MIB2: variants seen among roughly 807,000 people sequenced by gnomAD.
MIB2 encodes MIB E3 ubiquitin protein ligase 2, also known as E3 ubiquitin-protein ligase MIB2.
MIB2 carries 78 observed loss-of-function variants against 96.6 expected under a neutral mutation model. The observed-to-expected ratio is 0.81, with a 90% CI of 0.67 to 0.97. The LOEUF (loss-of-function observed/expected upper bound fraction) is 0.97. Among genes scored for constraint, MIB2 ranks in the 50% least tolerant of loss-of-function variants. The pLI is 0.00. For missense variants in MIB2, 1,543 were observed against 1,424.0 expected (o/e 1.08, Z -1.35); for synonymous variants, 820 against 629.5 (o/e 1.30, Z -4.53).
rs375548963 is a variant in MIB2, at chr1:1,625,341, C to T, written c.777C>T (p.His259=). Reference sequence around the variant, plus strand: ...GTGCTGACAGCCAGCCCTTCCAGCACGGGGACAAGGTCAAGTGTCTGCTGG... The same window carrying T: ...GTGCTGACAGCCAGCCCTTCCAGCATGGGGACAAGGTCAAGTGTCTGCTGG... ...RVSADSQPFQ[H]GDKVKCLLDT... Residue 259 remains histidine (H), a synonymous_variant, in exon 7 of 20, where the codon CAC becomes CAT. Coordinates refer to ENST00000355826, the MANE Select transcript of MIB2 (RefSeq NM_001170687.4). This position sits in a 1 kb window ranked among gnomAD's most constrained non-coding sequence, Gnocchi z 5.0. 1.2e-3 allele frequency: 1,852 copies of T among 1,579,014 alleles called. 6 individuals carry two copies. The Middle Eastern group carries it at 0.015, about 13-fold the overall frequency.
rs768838379 is a variant in MIB2, at chr1:1,625,614, C to T, written c.933C>T (p.His311=). 1.5e-5 allele frequency: 23 copies of T among 1,574,988 alleles called. No homozygotes were observed. The highest frequency in any genetic ancestry group is 1.3e-5 in the African/African-American group (1 of 74,170). Residue 311 remains histidine, a synonymous_variant, in exon 8 of 20, where the codon CAC becomes CAT. Transcript: ENST00000355826. The surrounding 1 kb of genome is among the most constrained non-coding windows in gnomAD (Gnocchi z 5.0). ...DRGDVRVQFN[H]ETRWTFHPGA... is the part of the protein sequence containing the mutation. ...GGGACGTGCGCGTGCAGTTCAACCA[C>T]GAGACGCGCTGGACCTTCCACCCCG...
Position 1,629,190 on chromosome 1 carries a change from T to C in MIB2, c.2260T>C (p.Cys754Arg). The change falls in exon 17 of 20, where the codon TGC becomes CGC. Residue 754 changes from cysteine to arginine, a missense_variant. Coordinates refer to ENST00000355826, the MANE Select transcript of MIB2 (RefSeq NM_001170687.4). The part of the protein sequence containing the change: ...AELTVGAAVA[C>R]FLALEGADVS... ...GCTGACGGTGGGCGCGGCGGTCGCC[T>C]GCTTCCTGGCGCTGGAGGGCGCCGA... The C allele has an allele frequency of 6.6e-7, 1 of 1,514,420 alleles. No individual in the cohort carries two copies. Among genetic ancestry groups the C allele is most frequent in the Non-Finnish European group, 8.8e-7 (1 of 1,139,700 alleles). The allele number at this position is 1,514,420 out of a possible 1,614,324, so 93.8% of individuals were successfully genotyped here.
At chr1:1,615,823 G>T (rs1249507199) in intron 1 of MIB2, 190 bp downstream of exon 1, 2 of 1,296,246 alleles carry the variant, frequency 1.5e-6, no homozygotes, top group Non-Finnish European at 2.0e-6. Context: ...GGCCTCCTGG[G>T]AGTTGTGGTC....
chr1:1,617,529 G>C (rs1050217090), intron 2 of MIB2: 3 of 152,188 alleles, frequency 2.0e-5, no homozygotes, highest in African/African-American at 7.2e-5. Flanking sequence ...AATGCTAAAT[G>C]TGTGACACTG....
Position 1,629,412 on chromosome 1 carries a change from C to A in MIB2, c.2409C>A (p.Ala803=). 2 of 1,472,240 alleles carry A rather than the reference C, an allele frequency of 1.4e-6. No individual in the cohort carries two copies. The highest frequency in any genetic ancestry group is 1.8e-6 in the Non-Finnish European group (2 of 1,121,990). 91.2% of individuals were successfully genotyped at this position (1,472,240 alleles called of 1,614,324 possible). A position where few individuals can be genotyped will look rare whatever the true frequency, so the allele number is the denominator to read the frequency against. ...AGCGGCAGGCGGGCGGGGGCGCGGC[C>A]CCGGGCCCCAGGCAAACGCTCGGGA... is the stretch of plus-strand genomic sequence containing the variant. ...FRERQAGGGA[A]PGPRQTLGTP... The change falls in exon 18 of 20, where the codon GCC becomes GCA. Residue 803 remains alanine (A), a synonymous_variant. Transcript: ENST00000355826.
chr1:1,620,525 G>A lies in MIB2; in HGVS notation c.-22-2906G>A, dbSNP rs922328848. On this transcript the variant is annotated intron_variant, in intron 2 of 19. Coordinates refer to ENST00000355826, the MANE Select transcript of MIB2 (RefSeq NM_001170687.4). ...GGGATCCTGGCAAGGAGGAGGTTGC[G>A]TGTGGATCTGGTGGAGGTGGACGGC... Among the ~76,000 whole-genome samples the A allele has an allele frequency of 2.6e-5, 4 of 152,242 alleles. No homozygotes were observed. The South Asian group carries it at 6.2e-4, about 24-fold the overall frequency.
intron 12 of MIB2, 43 bp downstream of exon 12, chr1:1,627,487 C>A (rs764503701): frequency 1.9e-6 from 3 of 1,546,272 alleles, no homozygotes; most frequent in Non-Finnish European, 1.7e-6. Flanking sequence ...TGAGCCTGTG[C>A]GTCCTGGGGT....
At chr1:1,622,145 C>A (rs898867177) in intron 2 of MIB2, among the ~76,000 whole-genome samples, 4 of 152,322 alleles carry the variant, frequency 2.6e-5, no homozygotes, top group South Asian at 4.1e-4. Context: ...TCTCAGGGGT[C>A]CCTCCAGCCT....
At chr1:1,615,924 C>T (rs1032481898) in intron 1 of MIB2, 9 of 994,930 alleles carry the variant, frequency 9.0e-6, no homozygotes, top group African/African-American at 1.7e-5. Flanking sequence ...GTCGTCCGGG[C>T]CGGGTGGGCT....
In MIB2 at chr1:1,627,080, T is replaced by C. The variant is rs753654765; in HGVS notation, c.1247T>C (p.Leu416Pro). The C allele has an allele frequency of 3.7e-6, 6 of 1,600,504 alleles. No homozygotes were observed. The South Asian group carries it at 6.7e-5, about 18-fold the overall frequency. The change falls in exon 11 of 20, where the codon CTG becomes CCG. Residue 416 changes from leucine to proline, a missense_variant. By Grantham distance (98) the Leu-to-Pro change is moderately conservative (BLOSUM62 -3). Coordinates refer to ENST00000355826, the MANE Select transcript of MIB2 (RefSeq NM_001170687.4). ...AERARENKSS[L>P]SVALDKLRAQ... ...ACCTCAGCCCTGCCCCCAGGCTCAC[T>C]GAGCGTGGCCCTGGACAAGCTTCGG...
chr1:1,629,804 C>A (rs1638402507), intron 19 of MIB2, 100 bp downstream of exon 19: 1 of 1,288,102 alleles, frequency 7.8e-7, no homozygotes, highest in Non-Finnish European at 1.0e-6. Flanking sequence ...GCCCATGGCC[C>A]TTCCCCAGGT....
chr1:1,629,377 C>A lies in MIB2; in HGVS notation c.2382-8C>A, dbSNP rs1332462762. Reference sequence around the variant, plus strand: ...GGGCCCCTCTCAAGCCGCCTCCTCCCCCTGCAGGGAGCGGCAGGCGGGCGG... The same window carrying A: ...GGGCCCCTCTCAAGCCGCCTCCTCCACCTGCAGGGAGCGGCAGGCGGGCGG... On this transcript the variant is annotated splice_polypyrimidine_tract_variant and splice_region_variant and intron_variant, in intron 17 of 19. Coordinates refer to ENST00000355826, the MANE Select transcript of MIB2 (RefSeq NM_001170687.4). 1.3e-5 allele frequency: 19 copies of A among 1,449,510 alleles called. No individual in the cohort carries two copies. Among genetic ancestry groups the A allele is most frequent in the Non-Finnish European group, 1.6e-5 (18 of 1,115,464 alleles). The allele number at this position is 1,449,510 out of a possible 1,614,324, so 89.8% of individuals were successfully genotyped here. A position where few individuals can be genotyped will look rare whatever the true frequency, so the allele number is the denominator to read the frequency against.
chr1:1,628,485 C>A lies in MIB2; in HGVS notation c.1969-4C>A. 1 of 1,596,714 alleles carries A rather than the reference C, an allele frequency of 6.3e-7. No homozygotes were observed. On this transcript the variant is annotated splice_region_variant and splice_polypyrimidine_tract_variant and intron_variant, in intron 15 of 19. Coordinates refer to ENST00000355826, the MANE Select transcript of MIB2 (RefSeq NM_001170687.4). The stretch of plus-strand genomic sequence containing the variant: ...GGGCTGAGCCCGTCCCCACCCCTCC[C>A]CAGGGCCGCTGTGACGTGAACGTGC...
In MIB2 at chr1:1,627,568, G is replaced by A. The variant is rs536269730; in HGVS notation, c.1524-105G>A. ...TGGGGTGAGGCCTGGGAGGGGCCCG[G>A]CGGGGCTGAGCCTGTGCGTCCTGGG... On this transcript the variant is annotated intron_variant, in intron 12 of 19. Transcript: ENST00000355826. 3 of 1,479,744 alleles carry A rather than the reference G, an allele frequency of 2.0e-6. No homozygotes were observed. In the African/African-American group the frequency reaches 4.2e-5, roughly 21 times the overall value. 91.7% of individuals were successfully genotyped at this position (1,479,744 alleles called of 1,614,324 possible).
rs944809112 is a variant in MIB2, at chr1:1,628,896, C to T, written c.2202+174C>T. ...CTATGTGATCCTTCAGCCTGCACCC[C>T]TAGGCAGCCTGGGAAAGGGGTGGTG... On this transcript the variant is annotated intron_variant, in intron 16 of 19. Coordinates refer to ENST00000355826, the MANE Select transcript of MIB2 (RefSeq NM_001170687.4). 4.1e-6 allele frequency: 3 copies of T among 733,274 alleles called. No individual in the cohort carries two copies. The African/African-American group carries it at 5.3e-5, about 13-fold the overall frequency. 45.4% of individuals were successfully genotyped at this position (733,274 alleles called of 1,614,324 possible).
intron 1 of MIB2, chr1:1,615,991 G>A: frequency 2.0e-6 from 2 of 985,076 alleles, no homozygotes; most frequent in Non-Finnish European, 1.2e-6. Flanking sequence ...GTCGGGGCCG[G>A]TGGGTGGCCT....
chr1:1,629,139 G>T lies in MIB2; in HGVS notation c.2209G>T (p.Ala737Ser), dbSNP rs1295453917. 1.7e-5 allele frequency: 25 copies of T among 1,490,882 alleles called. No homozygotes were observed. The highest frequency in any genetic ancestry group is 2.9e-5 in the African/African-American group (2 of 68,380). 92.4% of individuals were successfully genotyped at this position (1,490,882 alleles called of 1,614,324 possible). A position where few individuals can be genotyped will look rare whatever the true frequency, so the allele number is the denominator to read the frequency against. The change falls in exon 17 of 20, where the codon GCC becomes TCC. Residue 737 changes from alanine (A) to serine (S), a missense_variant. By Grantham distance (99) the Ala-to-Ser change is moderately conservative (BLOSUM62 1). Coordinates refer to ENST00000355826, the MANE Select transcript of MIB2 (RefSeq NM_001170687.4). ...CGTCTGTCCTGCCGCCCAGCTACAGGCCTCGGGCCTCCCCGGCAGCGCGGA... is the reference window on the plus strand; with the variant it reads ...CGTCTGTCCTGCCGCCCAGCTACAGTCCTCGGGCCTCCCCGGCAGCGCGGA... ...GPLQLLSRLQ[A>S]SGLPGSAELT...
chr1:1,625,607 T>G lies in MIB2; in HGVS notation c.926T>G (p.Phe309Cys). The G allele has an allele frequency of 6.3e-7, 1 of 1,579,600 alleles. No homozygotes were observed. The highest frequency in any genetic ancestry group is 8.6e-7 in the Non-Finnish European group (1 of 1,163,392). ...GACCGCGGGGACGTGCGCGTGCAGT[T>G]CAACCACGAGACGCGCTGGACCTTC... ...ITDRGDVRVQ[F>C]NHETRWTFHP... The change falls in exon 8 of 20, where the codon TTC becomes TGC. Residue 309 changes from phenylalanine (F) to cysteine (C), a missense_variant. By Grantham distance (205) the Phe-to-Cys change is radical. Transcript: ENST00000355826. This position sits in a 1 kb window ranked among gnomAD's most constrained non-coding sequence, Gnocchi z 5.0.
chr1:1,616,446 A>T, intron 1 of MIB2, 62 bp from the exon 2 acceptor site: 1 of 1,241,188 alleles, frequency 8.1e-7, no homozygotes. Flanking sequence ...GGGGGCAGAC[A>T]GGCGACCGAG....
Sources: allele counts gnomAD v4.1 joint callset (sites outside exome capture counted in the v4.1 genomes callset), GRCh38; gene constraint gnomAD v4.1.1; non-coding constraint Gnocchi (gnomAD v3.1); transcripts MANE v1.5; gene names NCBI Gene and HGNC (gene_info 2026-07-23, HGNC 2026-07-21).